CCDC68: variants seen among roughly 807,000 people sequenced by gnomAD.
CCDC68 encodes coiled-coil domain-containing protein 68.
In CCDC68, 45 loss-of-function variants were observed where a neutral mutation model predicts 47.1. The observed-to-expected ratio is 0.96, with a 90% CI of 0.75 to 1.23. The LOEUF is 1.23. Ranked by LOEUF, CCDC68 falls within the 50% of genes most tolerant of loss-of-function variation. CCDC68 has a pLI of 0.00. For missense variants in CCDC68, 353 were observed against 373.6 expected (o/e 0.94, Z 0.45); for synonymous variants, 131 against 129.5 (o/e 1.01, Z -0.08).
chr18:54,932,283 C>T (rs1599063308), intron 7 of CCDC68, among the ~76,000 whole-genome samples: 1 of 151,230 alleles, frequency 6.6e-6, no homozygotes, highest in Non-Finnish European at 1.5e-5. Flanking sequence ...CTCCCAGGTT[C>T]AAGTGATTCT....
rs1913812523 is a variant in CCDC68 at position 54,903,701 on chromosome 18, C to G, written c.*657G>C. On this transcript the variant is annotated 3_prime_UTR_variant, in exon 12 of 12. Coordinates refer to ENST00000591504, the MANE Select transcript of CCDC68 (RefSeq NM_025214.3). Reference sequence around the variant, plus strand: ...TTTTTAATCCCAGAACTAAGAAGAACAGTCATTCTCTGATGTGTGGTGAGG... The same window carrying G: ...TTTTTAATCCCAGAACTAAGAAGAAGAGTCATTCTCTGATGTGTGGTGAGG... The G allele has an allele frequency of 6.6e-6, 1 of 152,174 alleles. No individual in the cohort carries two copies. The highest frequency in any genetic ancestry group is 6.5e-5 in the Admixed American group (1 of 15,270). 9.4% of individuals were successfully genotyped at this position (152,174 alleles called of 1,614,324 possible).
intron 1 of CCDC68, among the ~76,000 whole-genome samples, chr18:54,948,750 G>A (rs754721612): frequency 1.3e-4 from 20 of 152,118 alleles, no homozygotes; most frequent in Admixed American, 5.2e-4. Flanking sequence ...TAAATATAGA[G>A]GGAGTCTAAG....
At chr18:54,917,835 GCACA>G in intron 10 of CCDC68, 74 bp downstream of exon 10, 1 of 679,436 alleles carries the variant, frequency 1.5e-6, no homozygotes, top group Non-Finnish European at 2.4e-6. Context: ...ACCCTCACGT[GCACA>G]GACACACACA....
At chr18:54,920,349 C>T (rs1435166638) in intron 8 of CCDC68, among the ~76,000 whole-genome samples, 1 of 150,750 alleles carries the variant, frequency 6.6e-6, no homozygotes, top group South Asian at 2.1e-4. Flanking sequence ...ACCACCACTT[C>T]TGGGCTCAAG....
intron 1 of CCDC68, among the ~76,000 whole-genome samples, chr18:54,955,101 G>A (rs1421665541): frequency 6.6e-6 from 1 of 152,124 alleles, no homozygotes; most frequent in African/African-American, 2.4e-5. Flanking sequence ...TGGAAGGATT[G>A]CTTAAGGCTG....
At chr18:54,956,323 G>A (rs1465491805) in intron 1 of CCDC68, among the ~76,000 whole-genome samples, 2 of 152,158 alleles carry the variant, frequency 1.3e-5, no homozygotes, top group Admixed American at 1.3e-4. Context: ...TTGTTGGAGA[G>A]TTACACACAG....
intron 8 of CCDC68, among the ~76,000 whole-genome samples, chr18:54,924,231 A>G (rs2044109142): frequency 6.6e-6 from 1 of 152,170 alleles, no homozygotes; most frequent in Admixed American, 6.5e-5. Flanking sequence ...AATGTAGAAT[A>G]CATGCTTTTC....
At chr18:54,951,018 C>T (rs926577298) in intron 1 of CCDC68, among the ~76,000 whole-genome samples, 39 of 142,832 alleles carry the variant, frequency 2.7e-4, no homozygotes, top group Admixed American at 5.2e-4. Flanking sequence ...ACGCCATTCT[C>T]CTGCCTCAGC....
At chr18:54,953,087 A>G (rs1250181060) in intron 1 of CCDC68, among the ~76,000 whole-genome samples, 1 of 152,182 alleles carries the variant, frequency 6.6e-6, no homozygotes, top group East Asian at 1.9e-4. Context: ...GCTAACTGAA[A>G]CAGCCAAATT....
In CCDC68 at chr18:54,928,786, G is replaced by A. The variant is rs760560042; in HGVS notation, c.683+14C>T. ...ATCAGGAACTGCCTTTACTTAACAG[G>A]TAGCTTCACAAACCTTTTTCCATAT... is the stretch of plus-strand genomic sequence containing the variant. On this transcript the variant is annotated intron_variant, in intron 8 of 11. Coordinates refer to ENST00000591504, the MANE Select transcript of CCDC68 (RefSeq NM_025214.3). 1.9e-5 allele frequency: 30 copies of A among 1,573,708 alleles called. No individual in the cohort carries two copies. The highest frequency in any genetic ancestry group is 2.5e-5 in the Non-Finnish European group (29 of 1,143,530).
chr18:54,942,894 T>A, intron 2 of CCDC68, 91 bp from the exon 3 acceptor site: 1 of 716,624 alleles, frequency 1.4e-6, no homozygotes, highest in Non-Finnish European at 2.5e-6. Flanking sequence ...GTTTTATCAC[T>A]ATAGTCAAAT....
intron 6 of CCDC68, 97 bp from the exon 7 acceptor site, chr18:54,935,045 A>T (rs1451912575): frequency 1.1e-6 from 1 of 928,182 alleles, no homozygotes; most frequent in African/African-American, 1.7e-5. Flanking sequence ...AGCCAAAAAA[A>T]TTCAGAATTC....
chr18:54,938,074 G>A lies in CCDC68; in HGVS notation c.228C>T (p.Gly76=), dbSNP rs980251143. Residue 76 remains glycine, a synonymous_variant, in exon 5 of 12, where the codon GGC becomes GGT. Transcript: ENST00000591504. ...AAGAAGGATCCATTTCAGAATCAGA[G>A]CCCTGTTGAAGGTTTCCACAGTGCT... ...DAKHCGNLQQ[G]SDSEMDPSCC... 2 of 1,613,436 alleles carry A rather than the reference G, an allele frequency of 1.2e-6. No individual in the cohort carries two copies.
intron 7 of CCDC68, among the ~76,000 whole-genome samples, chr18:54,932,281 T>A (rs546626936): frequency 6.6e-6 from 1 of 151,242 alleles, no homozygotes; most frequent in East Asian, 2.0e-4. Context: ...ACCTCCCAGG[T>A]TCAAGTGATT....
chr18:54,919,459 C>A, intron 8 of CCDC68, 83 bp from the exon 9 acceptor site: 1 of 1,152,486 alleles, frequency 8.7e-7, no homozygotes, highest in Non-Finnish European at 1.3e-6. Context: ...AGCCCTCCTA[C>A]ACACTCTACT....
At chr18:54,933,271 G>A (rs936069576) in intron 7 of CCDC68, among the ~76,000 whole-genome samples, 7 of 151,980 alleles carry the variant, frequency 4.6e-5, no homozygotes, top group Non-Finnish European at 8.8e-5. Context: ...TAGTAGAGAC[G>A]GGGTTTCACC....
chr18:54,904,725 G>A (rs1913888023), intron 11 of CCDC68, among the ~76,000 whole-genome samples: 1 of 152,182 alleles, frequency 6.6e-6, no homozygotes, highest in Non-Finnish European at 1.5e-5. Context: ...ATTCCCCAGA[G>A]TGAGTTGGAG....
chr18:54,950,092 T>C (rs1027144808), intron 1 of CCDC68, among the ~76,000 whole-genome samples: 5 of 152,210 alleles, frequency 3.3e-5, no homozygotes, highest in African/African-American at 1.2e-4. Context: ...ATCCTCTCAG[T>C]AAATTCTTCT....
intron 7 of CCDC68, among the ~76,000 whole-genome samples, chr18:54,931,730 T>C (rs1168468604): frequency 6.6e-6 from 1 of 152,160 alleles, no homozygotes; most frequent in Non-Finnish European, 1.5e-5. Context: ...AAAATGCTCT[T>C]ATTGGGCATT....
Sources: allele counts gnomAD v4.1 joint callset (sites outside exome capture counted in the v4.1 genomes callset), GRCh38; gene constraint gnomAD v4.1.1; transcripts MANE v1.5; gene names NCBI Gene and HGNC (gene_info 2026-07-23, HGNC 2026-07-21).